Variants in PTPN22 observed in about 807,000 individuals in gnomAD.
The protein encoded by PTPN22 is protein tyrosine phosphatase non-receptor type 22.
PTPN22 carries 85 observed loss-of-function variants against 103.3 expected under a neutral mutation model. That is an observed-to-expected ratio of 0.82 (90% confidence interval 0.69 to 0.99). PTPN22 has a LOEUF of 0.99. Among genes scored for constraint, PTPN22 ranks in the 50% least tolerant of loss-of-function variants. The pLI is 0.00. For missense variants in PTPN22, 865 were observed against 936.9 expected (o/e 0.92, Z 1.00); for synonymous variants, 323 against 310.2 (o/e 1.04, Z -0.43).
intron 14 of PTPN22, 95 bp from the exon 15 acceptor site, chr1:113,834,534 C>T: frequency 7.8e-7 from 1 of 1,275,248 alleles, no homozygotes; most frequent in East Asian, 2.3e-5. Context: ...ATTGAAAGGA[C>T]CTGAGAAGTA....
At position 113,864,482 on chromosome 1, in the gene PTPN22, C is replaced by T. The variant is rs573933103; in HGVS notation, c.88-5022G>A. On this transcript the variant is annotated intron_variant, in intron 1 of 20. Transcript: ENST00000359785. ...AATTGAGATCTAAAGAATTATTAGT[C>T]GGGCATGGTGGCTCACACCTGTAAT... 1.5e-4 allele frequency: 44 copies of T among 299,890 alleles called. 1 individual carries two copies. Among genetic ancestry groups the T allele is most frequent in the East Asian group, 9.6e-4 (8 of 8,360 alleles). 18.6% of individuals were successfully genotyped at this position (299,890 alleles called of 1,614,324 possible). A position where few individuals can be genotyped will look rare whatever the true frequency, so the allele number is the denominator to read the frequency against.
At chr1:113,833,782 T>A (rs553574172) in intron 15 of PTPN22, among the ~76,000 whole-genome samples, 1 of 152,314 alleles carries the variant, frequency 6.6e-6, no homozygotes, top group Admixed American at 6.5e-5. Flanking sequence ...TCTCTGACTT[T>A]ACCATCAACC....
At chr1:113,824,966 C>CAAA (rs35424386) in intron 19 of PTPN22, among the ~76,000 whole-genome samples, 176 bp downstream of exon 19, 82 of 64,730 alleles carry the variant, frequency 1.3e-3, no homozygotes, top group East Asian at 1.8e-3. Context: ...TGAAGCCTAG[C>CAAA]AAAAAAAAAA....
chr1:113,839,286 C>G (rs532790572), intron 11 of PTPN22, among the ~76,000 whole-genome samples: 2 of 152,142 alleles, frequency 1.3e-5, no homozygotes, highest in African/African-American at 4.8e-5. Flanking sequence ...CGCTGTATTG[C>G]CCAGTCTGGC....
At chr1:113,819,937 G>T in intron 19 of PTPN22, 2 of 203,252 alleles carry the variant, frequency 9.8e-6, no homozygotes, top group Non-Finnish European at 1.9e-5. Context: ...AATATATCAT[G>T]AATCAGCATT....
At chr1:113,865,308 G>C (rs1666028830) in intron 1 of PTPN22, among the ~76,000 whole-genome samples, 1 of 152,044 alleles carries the variant, frequency 6.6e-6, no homozygotes, top group Admixed American at 6.6e-5. Context: ...TTTTATGCTA[G>C]TTATATCAGA....
At chr1:113,833,367 C>T (rs1662720324) in intron 15 of PTPN22, among the ~76,000 whole-genome samples, 1 of 152,150 alleles carries the variant, frequency 6.6e-6, no homozygotes, top group Admixed American at 6.5e-5. Context: ...AATTGATCCC[C>T]TTCTGACTTA....
At chr1:113,852,418 A>AGGTT (rs1261300329) in intron 9 of PTPN22, among the ~76,000 whole-genome samples, 1 of 152,190 alleles carries the variant, frequency 6.6e-6, no homozygotes, top group African/African-American at 2.4e-5. Flanking sequence ...AAAATAAAAG[A>AGGTT]GGTTGGTAGG....
exon 12 of PTPN22, chr1:113,838,579 G>A (rs1184513158): frequency 1.2e-6 from 2 of 1,613,716 alleles, no homozygotes; most frequent in Non-Finnish European, 1.7e-6. Context: ...AGTCTGCTTG[G>A]AGAGTGTGAT....
chr1:113,814,634 A>G (rs1661026045), exon 21 of PTPN22: 1 of 294,462 alleles, frequency 3.4e-6, no homozygotes, highest in Non-Finnish European at 6.2e-6. Flanking sequence ...TGAAAAATAA[A>G]TCCATTCTAA....
Position 113,856,459 on chromosome 1 carries a change from A to T in PTPN22, c.481-18T>A, listed in dbSNP as rs762234430. On this transcript the variant is annotated intron_variant, in intron 6 of 20. Coordinates refer to ENST00000359785, the Ensembl canonical transcript of PTPN22. The stretch of plus-strand genomic sequence containing the variant: ...TCAGCTTCCTAAAAAGAAAAAGAAG[A>T]CTCAAGTATTAGTGATTGCAAAGAC... The T allele has an allele frequency of 9.9e-6, 16 of 1,610,352 alleles. No homozygotes were observed. The highest frequency in any genetic ancestry group is 1.6e-4 in the Middle Eastern group (1 of 6,072).
exon 13 of PTPN22, chr1:113,837,938 T>C: frequency 6.2e-7 from 1 of 1,614,188 alleles, no homozygotes; most frequent in Non-Finnish European, 8.5e-7. Flanking sequence ...TGCATTACTT[T>C]TTGAGCCTGC....
chr1:113,837,704 GAGA>G (rs1166489240), exon 13 of PTPN22: 1 of 1,608,028 alleles, frequency 6.2e-7, no homozygotes. Context: ...GTTGGCAACA[GAGA>G]AGAAGGAAAA....
exon 13 of PTPN22, chr1:113,837,749 G>A (rs1366562478): frequency 1.2e-6 from 2 of 1,613,774 alleles, no homozygotes; most frequent in Admixed American, 1.7e-5. Flanking sequence ...GGTAAATCAA[G>A]AGACATCTTA....
At chr1:113,869,972 T>C (rs1427292305) in intron 1 of PTPN22, among the ~76,000 whole-genome samples, 1 of 152,210 alleles carries the variant, frequency 6.6e-6, no homozygotes, top group Non-Finnish European at 1.5e-5. Flanking sequence ...CCTATCATAA[T>C]ATCTAATCAC....
chr1:113,830,070 A>T, intron 16 of PTPN22, 41 bp from the exon 17 acceptor site: 1 of 1,421,062 alleles, frequency 7.0e-7, no homozygotes. Context: ...GAAATCCATC[A>T]ATTAAAAGTC....
intron 9 of PTPN22, among the ~76,000 whole-genome samples, chr1:113,852,485 T>C (rs1397992042): frequency 2.6e-5 from 4 of 152,204 alleles, no homozygotes; most frequent in Non-Finnish European, 5.9e-5. Flanking sequence ...TAAAAAATGA[T>C]TTATAGATTG....
At chr1:113,854,774 G>T (rs1664902339) in intron 8 of PTPN22, 133 bp downstream of exon 8, 15 of 1,222,972 alleles carry the variant, frequency 1.2e-5, no homozygotes, top group Non-Finnish European at 1.6e-5. Flanking sequence ...AGAAAAACAT[G>T]AATTTAATGC....
At chr1:113,865,474 T>C (rs1040038243) in intron 1 of PTPN22, among the ~76,000 whole-genome samples, 2 of 152,160 alleles carry the variant, frequency 1.3e-5, no homozygotes, top group South Asian at 2.1e-4. Flanking sequence ...TTAAACGAGA[T>C]CACGTACGGC....
Sources: gnomAD v4.1 joint callset for allele counts (sites outside exome capture counted in the v4.1 genomes callset) on GRCh38, gnomAD v4.1.1 for gene constraint, MANE v1.5 for transcripts, NCBI Gene and HGNC (gene_info 2026-07-23, HGNC 2026-07-21) for gene names.